SEMA4C: variants seen among roughly 807,000 people sequenced by gnomAD.
SEMA4C encodes the protein semaphorin 4C.
In SEMA4C, 19 loss-of-function variants were observed where a neutral mutation model predicts 89.0. The observed-to-expected ratio is 0.21, with a 90% CI of 0.15 to 0.31. SEMA4C has a LOEUF of 0.31. Ranked by LOEUF, SEMA4C falls within the 10% of genes least tolerant of loss-of-function variation. SEMA4C has a pLI of 1.00. For missense variants in SEMA4C, 811 were observed against 1,107.0 expected (o/e 0.73, Z 3.79); for synonymous variants, 428 against 472.7 (o/e 0.91, Z 1.23).
In SEMA4C at chr2:96,866,351, G is replaced by A; in HGVS notation, c.190C>T (p.Leu64Phe). 1 of 1,613,916 alleles carries A rather than the reference G, an allele frequency of 6.2e-7. No individual in the cohort carries two copies. Among genetic ancestry groups the A allele is most frequent in the Non-Finnish European group, 8.5e-7 (1 of 1,180,012 alleles). Reference protein sequence around the residue: ...LTLTLTEPTGLLYVGAREALF... With the variant: ...LTLTLTEPTGFLYVGAREALF... ...GCCTCTCGGGCGCCCACGTACAGAA[G>A]CCCAGTGGGCTCCGTCAGCGTCAGT... Residue 64 changes from leucine (L) to phenylalanine (F), a missense_variant, in exon 3 of 15, where the codon CTT becomes TTT. Transcript: ENST00000305476.
upstream of SEMA4C, chr2:96,870,264 C>T (rs908919045): frequency 1.7e-5 from 17 of 985,450 alleles, no homozygotes; most frequent in South Asian, 7.0e-4. Context: ...GACCTCAACC[C>T]CTCCGGGTGT....
At chr2:96,867,653 C>T in intron 2 of SEMA4C, 125 bp downstream of exon 2, 1 of 1,018,930 alleles carries the variant, frequency 9.8e-7, no homozygotes, top group Non-Finnish European at 1.5e-6. Context: ...CCCACACTGC[C>T]CGTTCTTCCA....
At chr2:96,869,261 C>G (rs946873439) in intron 1 of SEMA4C, 101 of 985,264 alleles carry the variant, frequency 1.0e-4, no homozygotes, top group Middle Eastern at 1.0e-3. Context: ...GCAGCTCCCC[C>G]CAGGGCGAGG....
intron 1 of SEMA4C, 28 bp downstream of exon 1, chr2:96,869,848 A>G (rs1368189692): frequency 2.0e-6 from 2 of 985,128 alleles, no homozygotes; most frequent in Non-Finnish European, 2.4e-6. Context: ...CCGCGGCTCC[A>G]GCCTCACGCA....
intron 11 of SEMA4C, 57 bp downstream of exon 11, chr2:96,863,869 G>T: frequency 1.3e-6 from 2 of 1,598,494 alleles, no homozygotes; most frequent in Non-Finnish European, 1.7e-6. Flanking sequence ...CCCTGCCCTG[G>T]GCACACGGGC....
Position 96,865,935 on chromosome 2 carries a change from G to T in SEMA4C, c.259-6C>A. The T allele has an allele frequency of 6.2e-7, 1 of 1,613,864 alleles. No individual in the cohort carries two copies. The highest frequency in any genetic ancestry group is 8.5e-7 in the Non-Finnish European group (1 of 1,179,914). On this transcript the variant is annotated splice_polypyrimidine_tract_variant and splice_region_variant and intron_variant, in intron 3 of 14. Coordinates refer to ENST00000305476, the MANE Select transcript of SEMA4C (RefSeq NM_017789.5). ...ACGGGGGCCTCCCAGGAGATCTGGG[G>T]AAAGGGAAGGGGATGTCAGCCACGT... is the stretch of plus-strand genomic sequence containing the variant.
chr2:96,866,616 T>G, intron 2 of SEMA4C, 185 bp from the exon 3 acceptor site: 1 of 803,774 alleles, frequency 1.2e-6, no homozygotes, highest in Non-Finnish European at 2.1e-6. Context: ...TCCCTAGCCT[T>G]TCCCAGCCTG....
Position 96,865,097 on chromosome 2 carries a change from G to C in SEMA4C, c.653C>G (p.Ser218Cys), listed in dbSNP as rs1379866019. The C allele has an allele frequency of 5.1e-6, 8 of 1,569,430 alleles. No homozygotes were observed. The East Asian group carries it at 7.1e-5, about 14-fold the overall frequency. Reference protein sequence around the residue: ...FWLNEPHFVGSAYVPESVGSF... With the variant: ...FWLNEPHFVGCAYVPESVGSF... ...GCCCACACTCTCAGGTACATAGGCA[G>C]AGCCTACAAAGTGAGGTTCTGTGGG... Residue 218 changes from serine (S) to cysteine (C), a missense_variant, in exon 8 of 15, where the codon TCT (serine) becomes TGT (cysteine). This residue lies in a region of SEMA4C where 441 missense variants were observed against 664.9 expected (regional missense o/e 0.66). Coordinates refer to ENST00000305476, the MANE Select transcript of SEMA4C (RefSeq NM_017789.5).
At chr2:96,868,105 G>C (rs1297637417) in intron 1 of SEMA4C, among the ~76,000 whole-genome samples, 182 bp from the exon 2 acceptor site, 2 of 152,228 alleles carry the variant, frequency 1.3e-5, no homozygotes, top group Non-Finnish European at 2.9e-5. Flanking sequence ...AAGACCACAG[G>C]TCTCCCTGGG....
chr2:96,864,642 A>G lies in SEMA4C; in HGVS notation c.962+63T>C. On this transcript the variant is annotated intron_variant, in intron 9 of 14. Coordinates refer to ENST00000305476, the MANE Select transcript of SEMA4C (RefSeq NM_017789.5). This position sits in a 1 kb window ranked among gnomAD's most constrained non-coding sequence, Gnocchi z 6.3. ...TGAGGCCTGGTCCAGGCTCCCACCCATGCACCGTCCCTGACCTGAACCCCA... is the reference window on the plus strand; with the variant it reads ...TGAGGCCTGGTCCAGGCTCCCACCCGTGCACCGTCCCTGACCTGAACCCCA... The G allele has an allele frequency of 6.5e-7, 1 of 1,542,734 alleles. No individual in the cohort carries two copies. The highest frequency in any genetic ancestry group is 8.8e-7 in the Non-Finnish European group (1 of 1,140,164).
chr2:96,866,031 G>T, intron 3 of SEMA4C, 102 bp from the exon 4 acceptor site: 2 of 1,262,478 alleles, frequency 1.6e-6, no homozygotes, highest in Non-Finnish European at 2.3e-6. Flanking sequence ...CAGTGCAGAG[G>T]CATGGTCCCT....
chr2:96,860,555 G>A lies in SEMA4C; in HGVS notation c.*71C>T. ...GCAGGTGCCCGTGCCATGTCCCTGA[G>A]GTAGCTGGTGCCTGTGCAAAAGTAG... is the stretch of plus-strand genomic sequence containing the variant. On this transcript the variant is annotated 3_prime_UTR_variant, in exon 15 of 15. Transcript: ENST00000305476. The A allele has an allele frequency of 7.3e-7, 1 of 1,376,656 alleles. No individual in the cohort carries two copies. The highest frequency in any genetic ancestry group is 2.0e-5 in the Admixed American group (1 of 50,002). 85.3% of individuals were successfully genotyped at this position (1,376,656 alleles called of 1,614,324 possible). A position where few individuals can be genotyped will look rare whatever the true frequency, so the allele number is the denominator to read the frequency against.
Position 96,864,650 on chromosome 2 carries a change from TCCCTGACCTGAACCCCAGCTCCTC to T in SEMA4C, c.962+31_962+54del. The T allele has an allele frequency of 1.3e-6, 2 of 1,559,328 alleles. No individual in the cohort carries two copies. Among genetic ancestry groups the T allele is most frequent in the Non-Finnish European group, 1.7e-6 (2 of 1,148,870 alleles). On this transcript the variant is annotated intron_variant, in intron 9 of 14. Coordinates refer to ENST00000305476, the MANE Select transcript of SEMA4C (RefSeq NM_017789.5). This position sits in a 1 kb window ranked among gnomAD's most constrained non-coding sequence, Gnocchi z 6.3. ...GGTCCAGGCTCCCACCCATGCACCGTCCCTGACCTGAACCCCAGCTCCTCCCCACTCTGTGGGAGCCCTGGCCAA... is the reference window on the plus strand; with the variant it reads ...GGTCCAGGCTCCCACCCATGCACCGTCCCACTCTGTGGGAGCCCTGGCCAA...
In SEMA4C at chr2:96,861,801, G is replaced by A. The variant is rs2079951012; in HGVS notation, c.1537C>T (p.Arg513Trp). ...ACGCTCCAGGCGCAATAGGGGTCCCGGGCGAGGACACAGTCTGCACAGGAG... is the reference window on the plus strand; with the variant it reads ...ACGCTCCAGGCGCAATAGGGGTCCCAGGCGAGGACACAGTCTGCACAGGAG... ...YRSCADCVLARDPYCAWSVNT... is the reference protein window; with the variant it reads ...YRSCADCVLAWDPYCAWSVNT... Residue 513 changes from arginine to tryptophan, a missense_variant, in exon 13 of 15, where the codon CGG becomes TGG. Transcript: ENST00000305476. The surrounding 1 kb of genome is among the most constrained non-coding windows in gnomAD (Gnocchi z 7.8). The A allele has an allele frequency of 2.5e-6, 4 of 1,613,194 alleles. No individual in the cohort carries two copies. The highest frequency in any genetic ancestry group is 2.2e-5 in the South Asian group (2 of 91,088).
At position 96,861,339 on chromosome 2, in the gene SEMA4C, C is replaced by T; in HGVS notation, c.1789G>A (p.Ala597Thr). The stretch of plus-strand genomic sequence containing the variant: ...TAGAGGAAGGACCCGGGCTGTTCCG[C>T]AGGCAGGTCCCGGCCCCCAAAGGTC... ...RWTFGGRDLP[A>T]EQPGSFLYDA... The change falls in exon 15 of 15, where the codon GCG becomes ACG. Residue 597 changes from alanine to threonine, a missense_variant. Ala to Thr is a moderately conservative substitution (Grantham distance 58). This residue lies in a region of SEMA4C where 441 missense variants were observed against 664.9 expected (regional missense o/e 0.66). Transcript: ENST00000305476. This position sits in a 1 kb window ranked among gnomAD's most constrained non-coding sequence, Gnocchi z 7.8. 2 of 1,607,280 alleles carry T rather than the reference C, an allele frequency of 1.2e-6. No homozygotes were observed. Among genetic ancestry groups the T allele is most frequent in the African/African-American group, 1.3e-5 (1 of 75,058 alleles).
chr2:96,860,708 GGCAGGGGGT>G lies in SEMA4C; in HGVS notation c.2411_2419del (p.His804_Leu806del). ...GCGTCTCAGTTCATCCGCGAGCTCA[GGCAGGGGGT>G]GCCCGAGCCCTCCCCGGTCCTCCCC... is the stretch of plus-strand genomic sequence containing the variant. On this transcript the variant is annotated inframe_deletion, in exon 15 of 15. Transcript: ENST00000305476. The G allele has an allele frequency of 6.2e-7, 1 of 1,613,740 alleles. No individual in the cohort carries two copies. Among genetic ancestry groups the G allele is most frequent in the Non-Finnish European group, 8.5e-7 (1 of 1,180,002 alleles).
intron 1 of SEMA4C, chr2:96,869,656 G>C (rs1238990748): frequency 1.5e-5 from 15 of 984,876 alleles, no homozygotes; most frequent in Non-Finnish European, 1.7e-5. Context: ...CCCCGGGGCT[G>C]CGGGGCTGCA....
At chr2:96,862,827 A>T (rs2079978582) in intron 12 of SEMA4C, 1 of 143,694 alleles carries the variant, frequency 7.0e-6, no homozygotes, top group Admixed American at 7.5e-5. Context: ...GCGCCACTGC[A>T]CTCCAGCCTG....
chr2:96,869,367 C>T (rs1004679412), intron 1 of SEMA4C: 9 of 984,596 alleles, frequency 9.1e-6, no homozygotes, highest in Non-Finnish European at 1.1e-5. Flanking sequence ...AGCCGTGGAC[C>T]GCGGCCCTCC....
Sources: allele counts gnomAD v4.1 joint callset (sites outside exome capture counted in the v4.1 genomes callset), GRCh38; gene constraint gnomAD v4.1.1; regional missense constraint gnomAD v4.1.1; non-coding constraint Gnocchi (gnomAD v3.1); transcripts MANE v1.5; gene names NCBI Gene and HGNC (gene_info 2026-07-23, HGNC 2026-07-21).